The following PHLDB3 variants were observed in gnomAD, a reference collection of about 807,000 sequenced individuals.
PHLDB3 encodes pleckstrin homology like domain family B member 3.
Under a neutral mutation model 85.7 loss-of-function variants are expected in PHLDB3, and 86 were observed. The observed-to-expected ratio is 1.00, with a 90% CI of 0.84 to 1.20. The LOEUF (loss-of-function observed/expected upper bound fraction) is 1.20. Among genes scored for constraint, PHLDB3 ranks in the 50% most tolerant of loss-of-function variants. The probability of loss-of-function intolerance (pLI) is 0.00; values close to 1 mark genes in which losing one functional copy is unlikely to be tolerated. For missense variants in PHLDB3, 995 were observed against 873.0 expected, an observed-to-expected ratio of 1.14 and a Z score of -1.76; for synonymous variants, 376 against 349.8, an observed-to-expected ratio of 1.07 and a Z score of -0.83.
chr19:43,475,362 G>C lies in PHLDB3; in HGVS notation c.*48C>G, dbSNP rs200528397. 106 of 1,590,164 alleles carry C rather than the reference G, an allele frequency of 6.7e-5. No individual in the cohort carries two copies. In the East Asian group the frequency reaches 2.3e-3, roughly 34 times the overall value. The stretch of plus-strand genomic sequence containing the variant: ...GGGCCTAGGAACGCCCCCGCGCCCC[G>C]CGCCGGCGGAGCCTCGAAGGGACTT... On this transcript the variant is annotated 3_prime_UTR_variant, in exon 16 of 16. Coordinates refer to ENST00000292140, the MANE Select transcript of PHLDB3 (RefSeq NM_198850.4).
Position 43,502,233 on chromosome 19 carries a change from G to A in PHLDB3, c.264C>T (p.Thr88=), listed in dbSNP as rs774170561. The part of the protein sequence containing the change: ...IAMAATPPAS[T]SSREGVRGAA... Reference sequence around the variant, plus strand: ...CCCCTCGCACCCCTTCCCGCGAAGAGGTGGATGCGGGAGGTGTGGCCGCCA... The same window carrying A: ...CCCCTCGCACCCCTTCCCGCGAAGAAGTGGATGCGGGAGGTGTGGCCGCCA... The change falls in exon 3 of 16, where the codon ACC becomes ACT. Residue 88 remains threonine, a synonymous_variant. Transcript: ENST00000292140. 48 of 1,563,704 alleles carry A rather than the reference G, an allele frequency of 3.1e-5. 1 individual carries two copies. The South Asian group carries it at 4.5e-4, about 15-fold the overall frequency.
intron 13 of PHLDB3, among the ~76,000 whole-genome samples, chr19:43,483,012 G>A (rs1347147895): frequency 6.6e-6 from 1 of 152,154 alleles, no homozygotes; most frequent in Admixed American, 6.5e-5. Flanking sequence ...TCCCCCAAAG[G>A]TGGGGATTGT....
At chr19:43,495,943 G>C (rs556082006) in intron 6 of PHLDB3, 4 of 238,800 alleles carry the variant, frequency 1.7e-5, no homozygotes, top group Non-Finnish European at 3.2e-5. Flanking sequence ...GAGACAACCC[G>C]AGACGAAGGA....
rs551892756 is a variant in PHLDB3 at position 43,484,002 on chromosome 19, A to C, written c.1485+2264T>G. Among the ~76,000 whole-genome samples the C allele has an allele frequency of 2.0e-5, 3 of 152,140 alleles. No individual in the cohort carries two copies. In the East Asian group the frequency reaches 5.8e-4, roughly 29 times the overall value. Reference sequence around the variant, plus strand: ...CACGGTAGCTCATGCCTGTAATGCCAGCACTTTGGGAGGCCAAAGCGGGTG... The same window carrying C: ...CACGGTAGCTCATGCCTGTAATGCCCGCACTTTGGGAGGCCAAAGCGGGTG... On this transcript the variant is annotated intron_variant, in intron 13 of 15. Coordinates refer to ENST00000292140, the MANE Select transcript of PHLDB3 (RefSeq NM_198850.4).
chr19:43,488,544 G>T (rs1368196168), intron 9 of PHLDB3, among the ~76,000 whole-genome samples: 2 of 152,100 alleles, frequency 1.3e-5, no homozygotes, highest in Non-Finnish European at 2.9e-5. Context: ...GATACTGGGG[G>T]TGTTCTACTG....
At position 43,503,994 on chromosome 19, in the gene PHLDB3, G is replaced by T. The variant is rs750046200; in HGVS notation, c.125C>A (p.Ala42Glu). The T allele has an allele frequency of 4.3e-6, 7 of 1,613,890 alleles. No individual in the cohort carries two copies. The highest frequency in any genetic ancestry group is 5.1e-6 in the Non-Finnish European group (6 of 1,179,812). ...SREQEASEVL[A>E]EPSSRGGAEQ... ...AGCTCCCCCGCGGCTCGAAGGTTCCGCCAGGACTTCGGATGCCTCCTGTTC... is the reference window on the plus strand; with the variant it reads ...AGCTCCCCCGCGGCTCGAAGGTTCCTCCAGGACTTCGGATGCCTCCTGTTC... Residue 42 changes from alanine (A) to glutamate (E), a missense_variant, in exon 2 of 16, where the codon GCG becomes GAG. Coordinates refer to ENST00000292140, the MANE Select transcript of PHLDB3 (RefSeq NM_198850.4).
intron 1 of PHLDB3, 173 bp downstream of exon 1, chr19:43,504,416 T>G (rs1174914388): frequency 3.8e-6 from 2 of 522,230 alleles, no homozygotes; most frequent in Non-Finnish European, 3.4e-6. Flanking sequence ...CATCTCTAGG[T>G]GTCAGGCCTT....
In PHLDB3 at chr19:43,504,123, G is replaced by A; in HGVS notation, c.-5C>T. 1.3e-6 allele frequency: 2 copies of A among 1,589,108 alleles called. No individual in the cohort carries two copies. The highest frequency in any genetic ancestry group is 1.8e-5 in the Admixed American group (1 of 56,546). On this transcript the variant is annotated 5_prime_UTR_variant, in exon 2 of 16. Transcript: ENST00000292140. The stretch of plus-strand genomic sequence containing the variant: ...GGGGCTGCTTCGCGTCCCCATGGCC[G>A]CTGGGACTCCTGCGGGGTGGGCGGG...
At chr19:43,491,454 T>C (rs1242603043) in intron 9 of PHLDB3, among the ~76,000 whole-genome samples, 1 of 152,178 alleles carries the variant, frequency 6.6e-6, no homozygotes, top group African/African-American at 2.4e-5. Context: ...GACCCTGACC[T>C]ATATTAAGTG....
At chr19:43,498,727 C>A (rs1971524083) in intron 4 of PHLDB3, among the ~76,000 whole-genome samples, 1 of 152,062 alleles carries the variant, frequency 6.6e-6, no homozygotes, top group African/African-American at 2.4e-5. Context: ...TGCACTCCAG[C>A]CTGGGCGACA....
rs1156384954 is a variant in PHLDB3 at position 43,494,790 on chromosome 19, C to T, written c.1061G>A (p.Arg354His). The change falls in exon 9 of 16, where the codon CGC (arginine) becomes CAC (histidine). Residue 354 changes from arginine (R) to histidine (H), a missense_variant. By Grantham distance (29) the Arg-to-His change is conservative. Transcript: ENST00000292140. ...TKLLFTQKTD[R>H]QLLVLQDAVA... ...GGCATCCTGGAGCACCAGCAGCTGG[C>T]GGTCTGTCTTCTGGGTGAACAGCAG... is the stretch of plus-strand genomic sequence containing the variant. 1.1e-5 allele frequency: 18 copies of T among 1,612,660 alleles called. No individual in the cohort carries two copies. The highest frequency in any genetic ancestry group is 5.3e-5 in the African/African-American group (4 of 74,902).
chr19:43,495,468 G>C, intron 7 of PHLDB3, 27 bp downstream of exon 7: 1 of 1,605,290 alleles, frequency 6.2e-7, no homozygotes, highest in African/African-American at 1.3e-5. Flanking sequence ...GAGGACGGTA[G>C]GGTAGGGCAG....
chr19:43,494,035 TTTTTGTTTG>T (rs1971381708), intron 9 of PHLDB3, among the ~76,000 whole-genome samples: 1 of 152,142 alleles, frequency 6.6e-6, no homozygotes, highest in Non-Finnish European at 1.5e-5. Flanking sequence ...TTAGGGATTT[TTTTTGTTTG>T]TTTTTTGAGA....
At chr19:43,492,425 C>G (rs1971341657) in intron 9 of PHLDB3, among the ~76,000 whole-genome samples, 1 of 151,966 alleles carries the variant, frequency 6.6e-6, no homozygotes, top group Admixed American at 6.6e-5. Context: ...CACTCTGTCG[C>G]CCAGGTCTGG....
chr19:43,475,445 T>A lies in PHLDB3; in HGVS notation c.1888A>T (p.Ile630Phe). The change falls in exon 16 of 16, where the codon ATC becomes TTC. Residue 630 changes from isoleucine to phenylalanine, a missense_variant. By Grantham distance (21) the Ile-to-Phe change is conservative. Coordinates refer to ENST00000292140, the MANE Select transcript of PHLDB3 (RefSeq NM_198850.4). ...TGGTTTTCGTCAGCGGCGGTCACGA[T>A]GACGTCCATCCAAATGCGCATGGCT... ...PEAMRIWMDV[I>F]VTAADENHAP 1 of 1,613,964 alleles carries A rather than the reference T, an allele frequency of 6.2e-7. No individual in the cohort carries two copies. The highest frequency in any genetic ancestry group is 1.3e-5 in the African/African-American group (1 of 75,064).
chr19:43,495,531 G>A lies in PHLDB3; in HGVS notation c.915C>T (p.Ser305=). The change falls in exon 7 of 16, where the codon AGC becomes AGT. Residue 305 remains serine (S), a synonymous_variant. Transcript: ENST00000292140. ...EQMAAESRGL[S]RKKEEALQAL... is the part of the protein sequence containing the mutation. The stretch of plus-strand genomic sequence containing the variant: ...CCTGAAGGGCCTCCTCCTTCTTCCG[G>A]CTCAACCCCCGGCTCTCGGCTGCCA... 2.5e-6 allele frequency: 4 copies of A among 1,607,004 alleles called. No homozygotes were observed. The highest frequency in any genetic ancestry group is 3.4e-6 in the Non-Finnish European group (4 of 1,176,794).
chr19:43,503,875 C>A, intron 2 of PHLDB3, 31 bp downstream of exon 2: 1 of 1,612,100 alleles, frequency 6.2e-7, no homozygotes, highest in Non-Finnish European at 8.5e-7. Context: ...TCGGTCCAAG[C>A]CCCCCGCGCT....
chr19:43,488,167 TC>T (rs1235391660), intron 9 of PHLDB3, among the ~76,000 whole-genome samples: 2 of 147,026 alleles, frequency 1.4e-5, no homozygotes, highest in Admixed American at 1.4e-4. Context: ...AAAAAAAAAG[TC>T]CCACTGCAGC....
Position 43,502,299 on chromosome 19 carries a change from G to T in PHLDB3, c.214-16C>A. ...TAGCCTCGGGCTGAAGTTGAGGGGG[G>T]CGTGGTTAAGTGGAGATGCCTCGCC... On this transcript the variant is annotated splice_polypyrimidine_tract_variant and intron_variant, in intron 2 of 15. Coordinates refer to ENST00000292140, the MANE Select transcript of PHLDB3 (RefSeq NM_198850.4). The T allele has an allele frequency of 6.5e-7, 1 of 1,543,534 alleles. No homozygotes were observed. Among genetic ancestry groups the T allele is most frequent in the Non-Finnish European group, 8.7e-7 (1 of 1,149,410 alleles).
Sources: allele counts gnomAD v4.1 joint callset (sites outside exome capture counted in the v4.1 genomes callset), GRCh38; gene constraint gnomAD v4.1.1; transcripts MANE v1.5; gene names NCBI Gene and HGNC (gene_info 2026-07-23, HGNC 2026-07-21).